Variants in RBFOX2 observed in about 807,000 individuals in gnomAD.
RBFOX2 encodes RNA binding protein fox-1 homolog 2.
A neutral mutation model predicts 49.1 loss-of-function variants in RBFOX2; 10 were observed. The observed-to-expected ratio is 0.20, with a 90% CI of 0.13 to 0.35. The LOEUF (loss-of-function observed/expected upper bound fraction) is 0.35. Among genes scored for constraint, RBFOX2 ranks in the 10% least tolerant of loss-of-function variants. The probability of loss-of-function intolerance (pLI) is 1.00; values close to 1 mark genes in which losing one functional copy is unlikely to be tolerated. For missense variants in RBFOX2, 323 were observed against 486.9 expected (o/e 0.66, Z 3.17); for synonymous variants, 183 against 187.4 (o/e 0.98, Z 0.19).
intron 10 of RBFOX2, 65 bp downstream of exon 12, chr22:35,746,408 G>A (rs1190279345): frequency 1.5e-6 from 2 of 1,358,204 alleles, no homozygotes; most frequent in Non-Finnish European, 2.0e-6. Flanking sequence ...GGAGGAAAAT[G>A]GGTGACATTT....
intron 1 of RBFOX2, among the ~76,000 whole-genome samples, chr22:35,923,247 G>A (rs569080633): frequency 6.6e-6 from 1 of 152,324 alleles, no homozygotes; most frequent in East Asian, 1.9e-4. Context: ...TGACACCAGA[G>A]TTCTTTGATC....
chr22:35,766,650 A>G (rs557210546), intron 5 of RBFOX2, among the ~76,000 whole-genome samples: 1 of 152,344 alleles, frequency 6.6e-6, no homozygotes, highest in South Asian at 2.1e-4. Flanking sequence ...GACTGAGAGC[A>G]TGCAGTTAAA....
chr22:35,790,431 T>C (rs1471366290), intron 2 of RBFOX2, among the ~76,000 whole-genome samples: 1 of 152,200 alleles, frequency 6.6e-6, no homozygotes, highest in African/African-American at 2.4e-5. Context: ...AGCCTAGAAG[T>C]ACCTCAGATA....
chr22:35,835,715 T>A (rs1218931074), intron 1 of RBFOX2, among the ~76,000 whole-genome samples: 1 of 152,056 alleles, frequency 6.6e-6, no homozygotes, highest in East Asian at 1.9e-4. Flanking sequence ...TGTGTGTGAT[T>A]AGGGGGTGAC....
Position 35,809,914 on chromosome 22 carries a change from T to C in RBFOX2, c.118A>G (p.Thr40Ala), listed in dbSNP as rs778828849. 5.0e-6 allele frequency: 8 copies of C among 1,614,070 alleles called. No individual in the cohort carries two copies. The South Asian group carries it at 5.5e-5, about 11-fold the overall frequency. ...TGAGTGTGTGGCACCCCATACTCTG[T>C]GGGAATTCCATTCTGCGGAGGTGGT... The change falls in exon 2 of 12, where the codon ACA becomes GCA. Residue 40 changes from threonine to alanine, a missense_variant. By Grantham distance (58) the Thr-to-Ala change is moderately conservative (BLOSUM62 0). Around this residue, in one of 2 missense-constraint regions of RBFOX2, gnomAD observed 123 missense variants for 116.9 expected, o/e 1.05. Transcript: ENST00000405409.
At chr22:35,865,412 C>T (rs150783013) in intron 1 of RBFOX2, among the ~76,000 whole-genome samples, 183 of 152,208 alleles carry the variant, frequency 1.2e-3, no homozygotes, top group African/African-American at 4.4e-3. Flanking sequence ...CTGAGGAGTT[C>T]AGGACTAAAC....
At chr22:35,822,937 C>A (rs1954852221) in intron 1 of RBFOX2, 5 of 342,558 alleles carry the variant, frequency 1.5e-5, no homozygotes, top group Non-Finnish European at 2.2e-5. Flanking sequence ...GATTCTCCTG[C>A]CTCAGCCTCC....
chr22:35,950,326 A>G (rs2054778063), intron 1 of RBFOX2, among the ~76,000 whole-genome samples: 1 of 152,040 alleles, frequency 6.6e-6, no homozygotes. Context: ...TTTCCTTTGC[A>G]AAGCATGCAT....
At chr22:35,886,903 T>C (rs146376105) in intron 1 of RBFOX2, among the ~76,000 whole-genome samples, 19 of 152,312 alleles carry the variant, frequency 1.2e-4, no homozygotes, top group African/African-American at 4.3e-4. Context: ...TCCTAAAATA[T>C]ATTTTTGTCG....
At chr22:35,799,410 C>G (rs1949360872) in intron 2 of RBFOX2, among the ~76,000 whole-genome samples, 1 of 152,096 alleles carries the variant, frequency 6.6e-6, no homozygotes, top group South Asian at 2.1e-4. Flanking sequence ...AAAATAAGCT[C>G]TCATCTTAAG....
rs577382056 is a variant in RBFOX2 at position 35,817,033 on chromosome 22, T to C, written c.28-7029A>G. 8.5e-5 allele frequency among the ~76,000 whole-genome samples: 13 copies of C among 152,330 alleles called. No homozygotes were observed. The South Asian group carries it at 2.5e-3, about 29-fold the overall frequency. ...GTTGGAACAGGACCCTGGTACTTACTGGTGTAGATGGTTTGGGTCCCACAT... is the reference window on the plus strand; with the variant it reads ...GTTGGAACAGGACCCTGGTACTTACCGGTGTAGATGGTTTGGGTCCCACAT... On this transcript the variant is annotated intron_variant, in intron 1 of 11. Coordinates refer to ENST00000405409, the Ensembl canonical transcript of RBFOX2.
At chr22:35,798,554 C>T (rs1453918409) in intron 2 of RBFOX2, among the ~76,000 whole-genome samples, 3 of 152,226 alleles carry the variant, frequency 2.0e-5, no homozygotes, top group African/African-American at 2.4e-5. Context: ...GGAGTAATAA[C>T]GATACCTATT....
intron 2 of RBFOX2, among the ~76,000 whole-genome samples, chr22:35,803,449 G>A (rs1293509036): frequency 6.6e-6 from 1 of 152,172 alleles, no homozygotes; most frequent in East Asian, 1.9e-4. Context: ...GCTGAGGCGA[G>A]AGAACTCCTT....
rs550971374 is a variant in RBFOX2, at chr22:36,021,496, T to C, written c.186+6744A>G. On this transcript the variant is annotated intron_variant, in intron 1 of 13. Coordinates refer to the RBFOX2 transcript ENST00000438146. ...CACAAAAGTGACAAACGATCACAAC[T>C]GGAATCTCCAAATGCTACTAAAAAA... Among the ~76,000 whole-genome samples, 4 of 152,078 alleles carry C rather than the reference T, an allele frequency of 2.6e-5. No individual in the cohort carries two copies. In the South Asian group the frequency reaches 6.2e-4, roughly 24 times the overall value.
chr22:35,999,667 A>G (rs1359091499), intron 1 of RBFOX2: 1 of 152,198 alleles, frequency 6.6e-6, no homozygotes, highest in Non-Finnish European at 1.5e-5. Context: ...AAAAGCTACA[A>G]AACGTTGATC....
At chr22:35,752,292 AAC>A (rs1374884934) in intron 9 of RBFOX2, among the ~76,000 whole-genome samples, 1 of 152,228 alleles carries the variant, frequency 6.6e-6, no homozygotes, top group African/African-American at 2.4e-5. Context: ...AATATAAAAA[AAC>A]AGTTTAAATA....
In RBFOX2 at chr22:35,759,882, G is replaced by A. The variant is rs778071474; in HGVS notation, c.887+6C>T. ...AAACATACTGATTTTGGAATCTAAC[G>A]CTTACCCTGGATAGGCGGGGATGGC... is the stretch of plus-strand genomic sequence containing the variant. On this transcript the variant is annotated splice_donor_region_variant and intron_variant, in intron 9 of 11. Transcript: ENST00000405409. This position sits in a 1 kb window ranked among gnomAD's most constrained non-coding sequence, Gnocchi z 4.6. 5.6e-6 allele frequency: 9 copies of A among 1,613,536 alleles called. No individual in the cohort carries two copies. Among genetic ancestry groups the A allele is most frequent in the South Asian group, 1.1e-5 (1 of 91,024 alleles).
At chr22:35,826,903 C>T (rs1329184019) in intron 1 of RBFOX2, among the ~76,000 whole-genome samples, 2 of 152,110 alleles carry the variant, frequency 1.3e-5, no homozygotes, top group African/African-American at 2.4e-5. Context: ...CTCAAAATAC[C>T]ATACCTTAGT....
intron 1 of RBFOX2, among the ~76,000 whole-genome samples, chr22:35,832,502 GGA>G (rs975871903): frequency 2.0e-5 from 3 of 152,180 alleles, no homozygotes; most frequent in Non-Finnish European, 2.9e-5. Context: ...GGCAGGGGAT[GGA>G]GAGAGGTTGG....
Sources: gnomAD v4.1 joint callset for allele counts (sites outside exome capture counted in the v4.1 genomes callset) on GRCh38, gnomAD v4.1.1 for gene constraint, gnomAD v4.1.1 regional missense constraint, Gnocchi (gnomAD v3.1) non-coding constraint, MANE v1.5 for transcripts, NCBI Gene and HGNC (gene_info 2026-07-23, HGNC 2026-07-21) for gene names.